The following ARHGAP10 variants were observed in gnomAD, a reference collection of about 807,000 sequenced individuals.
ARHGAP10 encodes the protein rho GTPase-activating protein 10.
Under a neutral mutation model 108.6 loss-of-function variants are expected in ARHGAP10, and 87 were observed. The observed-to-expected ratio is 0.80, with a 90% CI of 0.67 to 0.96. ARHGAP10 has a LOEUF of 0.96. Among genes scored for constraint, ARHGAP10 ranks in the 40% least tolerant of loss-of-function variants. The pLI is 0.00. For missense variants in ARHGAP10, 939 were observed against 954.5 expected, an observed-to-expected ratio of 0.98 and a Z score of 0.21; for synonymous variants, 347 against 341.1, an observed-to-expected ratio of 1.02 and a Z score of -0.19.
At chr4:147,915,945 A>T (rs932643255) in intron 13 of ARHGAP10, among the ~76,000 whole-genome samples, 1 of 152,082 alleles carries the variant, frequency 6.6e-6, no homozygotes, top group African/African-American at 2.4e-5. Context: ...CTGTATAAAA[A>T]TTTTTTTAAA....
At chr4:147,804,058 G>C (rs930061948) in intron 1 of ARHGAP10, among the ~76,000 whole-genome samples, 3 of 148,440 alleles carry the variant, frequency 2.0e-5, no homozygotes, top group African/African-American at 7.4e-5. Context: ...TAGGTAAACT[G>C]TGTGTCACGG....
In ARHGAP10 at chr4:148,001,269, C is replaced by T. The variant is rs1740707904; in HGVS notation, c.1717-21994C>T. 2.0e-5 allele frequency among the ~76,000 whole-genome samples: 3 copies of T among 152,236 alleles called. No homozygotes were observed. The East Asian group carries it at 5.8e-4, about 29-fold the overall frequency. On this transcript the variant is annotated intron_variant, in intron 18 of 22. Transcript: ENST00000336498. ...TGAGGGCTCTGTTCTGTTCATTGGT[C>T]TGTATCTCTGTTTTGGTACCAGTAC...
In ARHGAP10 at chr4:148,072,339, G is replaced by A; in HGVS notation, c.*258G>A. ...TTTCATTTGTCAAGTATTGGGACTT[G>A]TGATTTTTAATTATCCAGCATATAG... On this transcript the variant is annotated 3_prime_UTR_variant, in exon 23 of 23. Coordinates refer to ENST00000336498, the MANE Select transcript of ARHGAP10 (RefSeq NM_024605.4). The A allele has an allele frequency of 2.4e-6, 1 of 415,998 alleles. No homozygotes were observed. The highest frequency in any genetic ancestry group is 3.7e-5 in the East Asian group (1 of 27,020). The allele number at this position is 415,998 out of a possible 1,614,324, so 25.8% of individuals were successfully genotyped here.
At chr4:147,804,498 A>G (rs1039889891) in intron 1 of ARHGAP10, among the ~76,000 whole-genome samples, 1 of 152,192 alleles carries the variant, frequency 6.6e-6, no homozygotes, top group Admixed American at 6.5e-5. Context: ...AATGATTTCT[A>G]TTCCTCTCTG....
chr4:147,975,682 C>T (rs1382834933), intron 18 of ARHGAP10, among the ~76,000 whole-genome samples: 1 of 152,162 alleles, frequency 6.6e-6, no homozygotes, highest in Non-Finnish European at 1.5e-5. Context: ...CCTGAGATAA[C>T]ATGAATCCAT....
chr4:147,928,043 T>C, intron 13 of ARHGAP10, among the ~76,000 whole-genome samples: 1 of 152,200 alleles, frequency 6.6e-6, no homozygotes, highest in Admixed American at 6.5e-5. Flanking sequence ...TGCTTTCTCT[T>C]GTGTTGCCTA....
chr4:147,845,154 C>T lies in ARHGAP10; in HGVS notation c.313-1997C>T, dbSNP rs78729566. 4.8e-3 allele frequency among the ~76,000 whole-genome samples: 737 copies of T among 152,322 alleles called. 11 individuals carry two copies. Among genetic ancestry groups the T allele is most frequent in the South Asian group, 0.047 (229 of 4,822 alleles). On this transcript the variant is annotated intron_variant, in intron 3 of 22. Coordinates refer to ENST00000336498, the MANE Select transcript of ARHGAP10 (RefSeq NM_024605.4). ...ACAATTTCCCTTGCCCTTTGCACCA[C>T]GGATTCCTTCTCACCTTTTAGGTTT... is the stretch of plus-strand genomic sequence containing the variant.
At chr4:147,841,140 C>T (rs1276751505) in intron 3 of ARHGAP10, among the ~76,000 whole-genome samples, 1 of 152,236 alleles carries the variant, frequency 6.6e-6, no homozygotes, top group African/African-American at 2.4e-5. Flanking sequence ...TATTTACTAC[C>T]TGGTCTTTTA....
In ARHGAP10 at chr4:148,072,377, G is replaced by T; in HGVS notation, c.*296G>T. 3.0e-6 allele frequency: 1 copy of T among 334,562 alleles called. No homozygotes were observed. The highest frequency in any genetic ancestry group is 5.4e-6 in the Non-Finnish European group (1 of 184,524). The allele number at this position is 334,562 out of a possible 1,614,324, so 20.7% of individuals were successfully genotyped here. On this transcript the variant is annotated 3_prime_UTR_variant, in exon 23 of 23. Transcript: ENST00000336498. ...ATCCAGCATATAGAATGAGAGGGAG[G>T]GCAGCCTTCTGCCACCTGTGTCGCC... is the stretch of plus-strand genomic sequence containing the variant.
At chr4:148,047,094 C>G in intron 20 of ARHGAP10, 43 bp downstream of exon 20, 1 of 1,602,426 alleles carries the variant, frequency 6.2e-7, no homozygotes, top group Non-Finnish European at 8.5e-7. Flanking sequence ...GGTGGAAGCC[C>G]TGACTTTGTT....
intron 18 of ARHGAP10, among the ~76,000 whole-genome samples, chr4:147,994,302 TAA>T (rs1204854319): frequency 6.6e-6 from 1 of 152,246 alleles, no homozygotes; most frequent in Admixed American, 6.5e-5. Context: ...TTTGATTTCA[TAA>T]AGTCATGAGC....
chr4:147,820,066 C>G (rs972251684), intron 1 of ARHGAP10, among the ~76,000 whole-genome samples: 1 of 152,112 alleles, frequency 6.6e-6, no homozygotes, highest in Admixed American at 6.5e-5. Context: ...GTGCCTAGGA[C>G]TAGCCCTATC....
At chr4:148,032,330 C>T (rs1560884359) in intron 19 of ARHGAP10, among the ~76,000 whole-genome samples, 3 of 1,566 alleles carry the variant, frequency 1.9e-3, no homozygotes, top group East Asian at 0.062. Context: ...TCAACTGTCC[C>T]CCCCCCCCCC....
At chr4:147,828,724 C>G (rs547115792) in intron 3 of ARHGAP10, among the ~76,000 whole-genome samples, 2 of 152,258 alleles carry the variant, frequency 1.3e-5, no homozygotes, top group African/African-American at 2.4e-5. Context: ...TCCTTTCCCC[C>G]CTACAATGTC....
At chr4:147,864,275 C>G (rs13129325) in intron 5 of ARHGAP10, 25,025 of 152,432 alleles carry the variant, frequency 0.16, 3,103 homozygotes, top group African/African-American at 0.35. Context: ...ATCAGACGTT[C>G]TGAGGGCCGC....
At chr4:148,044,842 G>T (rs1469215635) in intron 19 of ARHGAP10, among the ~76,000 whole-genome samples, 2 of 152,194 alleles carry the variant, frequency 1.3e-5, no homozygotes, top group Non-Finnish European at 2.9e-5. Flanking sequence ...CATAGCAGTG[G>T]TCTACCAGTG....
chr4:147,747,782 G>A (rs1307926322), intron 1 of ARHGAP10, among the ~76,000 whole-genome samples: 1 of 151,886 alleles, frequency 6.6e-6, no homozygotes, highest in African/African-American at 2.4e-5. Flanking sequence ...CTAAAACCTT[G>A]TTGAAGCAAA....
At chr4:147,842,905 C>G (rs532049719) in intron 3 of ARHGAP10, among the ~76,000 whole-genome samples, 117 of 152,328 alleles carry the variant, frequency 7.7e-4, no homozygotes, top group African/African-American at 2.5e-3. Flanking sequence ...CTCCTCCTCA[C>G]CTATCTCAAA....
At chr4:147,882,239 G>C (rs1735356369) in intron 10 of ARHGAP10, among the ~76,000 whole-genome samples, 1 of 152,096 alleles carries the variant, frequency 6.6e-6, no homozygotes, top group South Asian at 2.1e-4. Flanking sequence ...GAGGTGGGCA[G>C]ATTATGAGGT....
Sources: allele counts gnomAD v4.1 joint callset (sites outside exome capture counted in the v4.1 genomes callset), GRCh38; gene constraint gnomAD v4.1.1; transcripts MANE v1.5; gene names NCBI Gene and HGNC (gene_info 2026-07-23, HGNC 2026-07-21).